The following MYT1L variants were observed in gnomAD, a reference collection of about 807,000 sequenced individuals.
The protein encoded by MYT1L is myelin transcription factor 1-like protein.
MYT1L carries 12 observed loss-of-function variants against 126.7 expected under a neutral mutation model. The ratio of observed to expected loss-of-function variants is 0.09; its 90% CI spans 0.06 to 0.15. The LOEUF (loss-of-function observed/expected upper bound fraction) is 0.15. MYT1L is among the 10% of genes least tolerant of loss of function. MYT1L has a pLI of 1.00. For missense variants in MYT1L, 979 were observed against 1,585.2 expected, an observed-to-expected ratio of 0.62 and a Z score of 6.49; for synonymous variants, 541 against 604.2, an observed-to-expected ratio of 0.90 and a Z score of 1.53.
chr2:1,888,209 C>T (rs555652959), intron 16 of MYT1L, among the ~76,000 whole-genome samples: 1 of 152,158 alleles, frequency 6.6e-6, no homozygotes, highest in East Asian at 1.9e-4. Context: ...GGTTTGTCTT[C>T]CATGATGATC....
Position 1,922,291 on chromosome 2 carries a change from C to G in MYT1L, c.1478G>C (p.Gly493Ala). 1 of 1,613,456 alleles carries G rather than the reference C, an allele frequency of 6.2e-7. No individual in the cohort carries two copies. Among genetic ancestry groups the G allele is most frequent in the Non-Finnish European group, 8.5e-7 (1 of 1,179,514 alleles). Residue 493 changes from glycine (G) to alanine (A), a missense_variant, in exon 10 of 25, where the codon GGT becomes GCT. Physicochemically the swap from Gly to Ala is moderately conservative, Grantham distance 60. Coordinates refer to ENST00000647738, the MANE Select transcript of MYT1L (RefSeq NM_001303052.2). The surrounding 1 kb of genome is among the most constrained non-coding windows in gnomAD (Gnocchi z 7.4). ...SDSHVKKPYYGKDPSRTEKKE... is the reference protein window; with the variant it reads ...SDSHVKKPYYAKDPSRTEKKE... ...ACGTTAGGTAGAAATATTACCTTTA[C>G]CATAGTATGGCTTTTTGACATGGCT...
At chr2:1,804,281 C>T (rs966286681) in intron 22 of MYT1L, among the ~76,000 whole-genome samples, 22 of 152,246 alleles carry the variant, frequency 1.4e-4, no homozygotes, top group African/African-American at 4.3e-4. Flanking sequence ...CCACTACACC[C>T]GGCTAATTTT....
chr2:1,792,456 C>T lies in MYT1L; in HGVS notation c.3285G>A (p.Thr1095=), dbSNP rs968012777. Residue 1095 remains threonine, a synonymous_variant, in exon 24 of 25, where the codon ACG becomes ACA. Transcript: ENST00000647738. ...CGATGGTCTTCAGGTTGCTCTCCAT[C>T]GTGGTAATCTGAAACGCACAAGTGT... The part of the protein sequence containing the change: ...DMIKLRTQIT[T]MESNLKTIEE... 1.3e-5 allele frequency: 21 copies of T among 1,613,274 alleles called. No homozygotes were observed. The highest frequency in any genetic ancestry group is 2.2e-5 in the East Asian group (1 of 44,846).
At chr2:1,864,826 C>T (rs2045242122) in intron 18 of MYT1L, among the ~76,000 whole-genome samples, 1 of 152,198 alleles carries the variant, frequency 6.6e-6, no homozygotes, top group African/African-American at 2.4e-5. Flanking sequence ...TCTGAGGAGC[C>T]AGCCACATGC....
intron 5 of MYT1L, among the ~76,000 whole-genome samples, chr2:1,988,228 C>T (rs959421488): frequency 6.6e-6 from 1 of 152,176 alleles, no homozygotes; most frequent in Admixed American, 6.5e-5. Context: ...TCCTGCCAGC[C>T]CAGCTGCACC....
At chr2:2,327,546 C>T (rs749357984) in intron 1 of MYT1L, among the ~76,000 whole-genome samples, 19 of 152,278 alleles carry the variant, frequency 1.2e-4, no homozygotes, top group East Asian at 9.6e-4. Flanking sequence ...GCTCAAATTA[C>T]GCTATGGAGT....
intron 4 of MYT1L, among the ~76,000 whole-genome samples, chr2:2,045,969 C>G (rs1162698667): frequency 1.3e-5 from 2 of 152,166 alleles, no homozygotes; most frequent in East Asian, 1.9e-4. Context: ...CCTCCAGGGC[C>G]GCTGTCGTCT....
intron 2 of MYT1L, among the ~76,000 whole-genome samples, chr2:2,211,414 T>TA (rs976570212): frequency 2.0e-5 from 3 of 152,118 alleles, no homozygotes; most frequent in Admixed American, 6.6e-5. Flanking sequence ...TCGTTTTTTT[T>TA]AAAAAAATTC....
chr2:1,846,307 G>A (rs2042490305), intron 19 of MYT1L, among the ~76,000 whole-genome samples: 1 of 152,178 alleles, frequency 6.6e-6, no homozygotes, highest in Non-Finnish European at 1.5e-5. Flanking sequence ...ACTCAAATAG[G>A]TATTTACTAA....
chr2:2,245,226 G>A (rs887116234), intron 2 of MYT1L, among the ~76,000 whole-genome samples: 5 of 152,116 alleles, frequency 3.3e-5, no homozygotes, highest in Non-Finnish European at 7.3e-5. Context: ...TCGGAATTAT[G>A]GTGGAGGATG....
At chr2:2,140,250 T>A (rs1353197197) in intron 3 of MYT1L, among the ~76,000 whole-genome samples, 2 of 152,104 alleles carry the variant, frequency 1.3e-5, no homozygotes, top group Non-Finnish European at 2.9e-5. Flanking sequence ...AAATGTGCCA[T>A]AGCAAATTTA....
At position 2,224,387 on chromosome 2, in the gene MYT1L, C is replaced by T. The variant is rs1572615730; in HGVS notation, c.-420-51399G>A. Among the ~76,000 whole-genome samples the T allele has an allele frequency of 2.0e-5, 3 of 152,210 alleles. No individual in the cohort carries two copies. The highest frequency in any genetic ancestry group is 4.1e-4 in the South Asian group (2 of 4,822). ...CAGTGTCCCTCAAAACTAACATCCC[C>T]AAAAAGACCGGAGAGCTGGCGAGGT... is the stretch of plus-strand genomic sequence containing the variant. On this transcript the variant is annotated intron_variant, in intron 2 of 24. Transcript: ENST00000647738. This position sits in a 1 kb window ranked among gnomAD's most constrained non-coding sequence, Gnocchi z 4.0.
chr2:1,897,372 A>T (rs1222772437), intron 14 of MYT1L, among the ~76,000 whole-genome samples: 2 of 152,220 alleles, frequency 1.3e-5, no homozygotes, highest in African/African-American at 4.8e-5. Flanking sequence ...CCCCTCTTCC[A>T]GCACAGAGGA....
At chr2:1,798,165 T>C (rs67551947) in intron 23 of MYT1L, among the ~76,000 whole-genome samples, 3 of 32,352 alleles carry the variant, frequency 9.3e-5, no homozygotes, top group Non-Finnish European at 1.9e-4. Flanking sequence ...GCGGTCTCCC[T>C]CCATCCGGCA....
chr2:2,232,780 C>T (rs934058246), intron 2 of MYT1L, among the ~76,000 whole-genome samples: 3 of 152,208 alleles, frequency 2.0e-5, no homozygotes, highest in Admixed American at 1.3e-4. Context: ...GAAGTGACTA[C>T]AGACAGGGCA....
At chr2:2,277,175 A>G (rs1004167483) in intron 2 of MYT1L, among the ~76,000 whole-genome samples, 2 of 151,580 alleles carry the variant, frequency 1.3e-5, no homozygotes, top group African/African-American at 2.4e-5. Context: ...TTTAGTAGAG[A>G]TGGGGTTTAT....
intron 3 of MYT1L, among the ~76,000 whole-genome samples, chr2:2,111,104 G>A (rs2079392137): frequency 6.6e-6 from 1 of 152,192 alleles, no homozygotes; most frequent in South Asian, 2.1e-4. Flanking sequence ...CATGTTCTTA[G>A]AGGCTGGAAG....
intron 1 of MYT1L, among the ~76,000 whole-genome samples, chr2:2,285,989 CT>C (rs71404170): frequency 1.6e-4 from 24 of 150,736 alleles, no homozygotes; most frequent in East Asian, 3.9e-4. Context: ...CTTCTTCTTC[CT>C]TTTTTTTTGT....
intron 2 of MYT1L, among the ~76,000 whole-genome samples, chr2:2,182,612 A>T (rs1046606818): frequency 6.6e-6 from 1 of 152,172 alleles, no homozygotes; most frequent in African/African-American, 2.4e-5. Context: ...CTGGAGGCTT[A>T]GAAGCAGGCA....
Sources: allele counts gnomAD v4.1 joint callset (sites outside exome capture counted in the v4.1 genomes callset), GRCh38; gene constraint gnomAD v4.1.1; non-coding constraint Gnocchi (gnomAD v3.1); transcripts MANE v1.5; gene names NCBI Gene and HGNC (gene_info 2026-07-23, HGNC 2026-07-21).